Variants in NEMP1 observed in about 807,000 individuals in gnomAD.
NEMP1 encodes the protein transmembrane protein 194.
In NEMP1, 29 loss-of-function variants were observed where a neutral mutation model predicts 53.7. That is an observed-to-expected ratio of 0.54 (90% CI 0.40 to 0.74). The LOEUF is 0.74. Ranked by LOEUF, NEMP1 falls within the 30% of genes least tolerant of loss-of-function variation. The pLI is 0.00. For missense variants in NEMP1, 477 were observed against 528.6 expected, an observed-to-expected ratio of 0.90 and a Z score of 0.96; for synonymous variants, 193 against 192.9, an observed-to-expected ratio of 1.00 and a Z score of 0.00.
Position 57,056,121 on chromosome 12 carries a change from G to A in NEMP1, c.*3758C>T, listed in dbSNP as rs1288947290. ...AAAGCCCCACATTTTGGGAGTCTGT[G>A]ACCACTCCCATCTGCCACTAAAGCT... On this transcript the variant is annotated 3_prime_UTR_variant, in exon 9 of 9. Coordinates refer to ENST00000300128, the MANE Select transcript of NEMP1 (RefSeq NM_001130963.2). The A allele has an allele frequency of 2.0e-5, 3 of 152,294 alleles. No homozygotes were observed. Among genetic ancestry groups the A allele is most frequent in the African/African-American group, 7.2e-5 (3 of 41,570 alleles). 9.4% of individuals were successfully genotyped at this position (152,294 alleles called of 1,614,324 possible).
intron 1 of NEMP1, among the ~76,000 whole-genome samples, chr12:57,087,778 G>A (rs1051821085): frequency 3.9e-5 from 6 of 152,114 alleles, no homozygotes; most frequent in Admixed American, 6.5e-5. Context: ...AGAGAGGCGG[G>A]GCGGGGCTGA....
rs777047420 is a variant in NEMP1 at position 57,072,784 on chromosome 12, T to C, written c.252+4A>G. The C allele has an allele frequency of 7.5e-6, 12 of 1,592,642 alleles. No individual in the cohort carries two copies. The South Asian group carries it at 9.1e-5, about 12-fold the overall frequency. ...GCCACTGCCAGAGGATTCCAAGTTA[T>C]TACCTGTATCCGTGTCCATATATCA... On this transcript the variant is annotated splice_donor_region_variant and intron_variant, in intron 2 of 8. Coordinates refer to ENST00000300128, the MANE Select transcript of NEMP1 (RefSeq NM_001130963.2).
chr12:57,077,077 A>C (rs1215117811), intron 1 of NEMP1, among the ~76,000 whole-genome samples: 1 of 152,154 alleles, frequency 6.6e-6, no homozygotes, highest in East Asian at 1.9e-4. Context: ...TCATGCCTGT[A>C]ATCCCAGCAC....
At chr12:57,087,388 G>T (rs996160734) in intron 1 of NEMP1, among the ~76,000 whole-genome samples, 1 of 152,036 alleles carries the variant, frequency 6.6e-6, no homozygotes, top group Non-Finnish European at 1.5e-5. Context: ...GGGGAGGGAG[G>T]GGGCACGTGG....
upstream of NEMP1, among the ~76,000 whole-genome samples, chr12:57,081,636 G>A (rs1285024419): frequency 4.0e-5 from 6 of 151,686 alleles, no homozygotes; most frequent in South Asian, 2.1e-4. Flanking sequence ...GGCTGGGCAC[G>A]GTGGCTCATG....
upstream of NEMP1, among the ~76,000 whole-genome samples, chr12:57,079,684 A>G (rs998592932): frequency 1.3e-5 from 2 of 152,190 alleles, no homozygotes; most frequent in African/African-American, 4.8e-5. Context: ...GGGTAGGAAA[A>G]CTACAGATGA....
At chr12:57,084,504 C>T (rs1382864910) in intron 1 of NEMP1, among the ~76,000 whole-genome samples, 1 of 152,144 alleles carries the variant, frequency 6.6e-6, no homozygotes, top group Non-Finnish European at 1.5e-5. Flanking sequence ...GTTCTTTCCC[C>T]CCATGCCAGT....
At chr12:57,086,285 C>A (rs2032989278) in intron 1 of NEMP1, among the ~76,000 whole-genome samples, 1 of 152,162 alleles carries the variant, frequency 6.6e-6, no homozygotes, top group African/African-American at 2.4e-5. Flanking sequence ...AAAACTAGGA[C>A]TGAGGATACT....
At chr12:57,079,659 G>A (rs751076671), upstream of NEMP1, among the ~76,000 whole-genome samples, 1 of 152,126 alleles carries the variant, frequency 6.6e-6, no homozygotes, top group Non-Finnish European at 1.5e-5. Context: ...TTTTTTAAGA[G>A]GATCTGATGG....
chr12:57,068,776 C>T (rs937780892), intron 4 of NEMP1, among the ~76,000 whole-genome samples: 2 of 152,136 alleles, frequency 1.3e-5, no homozygotes, highest in African/African-American at 4.8e-5. Context: ...CCGTGTTAGC[C>T]AGGATGGTCT....
chr12:57,076,940 C>T (rs2032650991), intron 1 of NEMP1, among the ~76,000 whole-genome samples: 2 of 118,042 alleles, frequency 1.7e-5, no homozygotes, highest in Non-Finnish European at 1.7e-5. Context: ...GACAGCAAGA[C>T]TACATTCTGC....
At chr12:57,082,840 C>T (rs545072649), upstream of NEMP1, among the ~76,000 whole-genome samples, 12 of 151,252 alleles carry the variant, frequency 7.9e-5, no homozygotes, top group South Asian at 2.1e-4. Context: ...AGTGAAACCC[C>T]GTCTCTACAA....
chr12:57,057,389 A>C lies in NEMP1; in HGVS notation c.*2490T>G. 1 of 152,286 alleles carries C rather than the reference A, an allele frequency of 6.6e-6. No individual in the cohort carries two copies. Among genetic ancestry groups the C allele is most frequent in the East Asian group, 1.9e-4 (1 of 5,204 alleles). The allele number at this position is 152,286 out of a possible 1,614,324, so 9.4% of individuals were successfully genotyped here. ...ACAAGAGCTATAACTGCCAGAGAAA[A>C]ATTAAATGGGGTCTTCAAGTAGTGA... On this transcript the variant is annotated 3_prime_UTR_variant, in exon 9 of 9. Coordinates refer to ENST00000300128, the MANE Select transcript of NEMP1 (RefSeq NM_001130963.2).
chr12:57,063,049 T>C, intron 7 of NEMP1, 70 bp downstream of exon 7: 1 of 1,243,708 alleles, frequency 8.0e-7, no homozygotes, highest in Non-Finnish European at 1.2e-6. Context: ...TCAACACCTC[T>C]GTATCCTCTT....
At chr12:57,082,339 A>G (rs1230394283), upstream of NEMP1, among the ~76,000 whole-genome samples, 4 of 152,268 alleles carry the variant, frequency 2.6e-5, no homozygotes, top group Admixed American at 6.5e-5. Context: ...AATGTCAGAT[A>G]ATAATTGAGG....
Position 57,063,242 on chromosome 12 carries a change from A to G in NEMP1, c.857T>C (p.Leu286Pro), listed in dbSNP as rs1486933956. The G allele has an allele frequency of 1.2e-5, 20 of 1,614,230 alleles. 1 individual carries two copies. Among genetic ancestry groups the G allele is most frequent in the Non-Finnish European group, 1.7e-5 (20 of 1,180,034 alleles). ...AGAATACATGAAACACAGGCCCATC[A>G]GCTGCAAGGTCCAGGTCAGCAGGTT... is the stretch of plus-strand genomic sequence containing the variant. ...SINLLTWTLQ[L>P]MGLCFMYSGI... Residue 286 changes from leucine to proline, a missense_variant, in exon 7 of 9, where the codon CTG becomes CCG. Leu to Pro is a moderately conservative substitution (Grantham distance 98). Transcript: ENST00000300128.
intron 4 of NEMP1, 77 bp from the exon 5 acceptor site, chr12:57,064,816 C>G (rs1343776032): frequency 2.0e-5 from 21 of 1,074,300 alleles, no homozygotes; most frequent in Non-Finnish European, 2.5e-5. Context: ...GACAACTAAC[C>G]CAGCCGAAAG....
At chr12:57,064,819 G>T in intron 4 of NEMP1, 80 bp from the exon 5 acceptor site, 1 of 1,044,990 alleles carries the variant, frequency 9.6e-7, no homozygotes, top group Non-Finnish European at 1.4e-6. Flanking sequence ...AACTAACCCA[G>T]CCGAAAGATT....
chr12:57,064,517 A>G, intron 5 of NEMP1, 129 bp downstream of exon 5: 1 of 622,606 alleles, frequency 1.6e-6, no homozygotes. Flanking sequence ...ACCTTTCTGA[A>G]TCAAGGAGAG....
Sources: allele counts gnomAD v4.1 joint callset (sites outside exome capture counted in the v4.1 genomes callset), GRCh38; gene constraint gnomAD v4.1.1; transcripts MANE v1.5; gene names NCBI Gene and HGNC (gene_info 2026-07-23, HGNC 2026-07-21).